Variants in SSPN observed in about 807,000 individuals in gnomAD.
The protein encoded by SSPN is K-ras oncogene-associated protein.
A neutral mutation model predicts 19.1 loss-of-function variants in SSPN; 15 were observed. The ratio of observed to expected loss-of-function variants is 0.78; its 90% confidence interval spans 0.52 to 1.21. The LOEUF (loss-of-function observed/expected upper bound fraction) is 1.21, where lower values mean the gene tolerates loss of function less well. SSPN is among the 50% of genes most tolerant of loss of function. The pLI is 0.00. For synonymous variants in SSPN, 147 were observed against 140.3 expected (o/e 1.05, Z -0.34); for missense variants, 291 against 314.0 (o/e 0.93, Z 0.55).
At chr12:26,218,463 A>C (rs1945083674) in intron 1 of SSPN, among the ~76,000 whole-genome samples, 2 of 149,196 alleles carry the variant, frequency 1.3e-5, no homozygotes, top group Admixed American at 1.3e-4. Flanking sequence ...CAATGTGCAC[A>C]TGTACCCTAA....
At chr12:26,225,335 T>C (rs1421474880) in intron 2 of SSPN, among the ~76,000 whole-genome samples, 1 of 152,158 alleles carries the variant, frequency 6.6e-6, no homozygotes, top group Admixed American at 6.5e-5. Context: ...ATGATATCTT[T>C]TAAAATCATG....
At chr12:26,197,807 T>C (rs1434860712) in intron 1 of SSPN, among the ~76,000 whole-genome samples, 2 of 152,206 alleles carry the variant, frequency 1.3e-5, no homozygotes, top group African/African-American at 4.8e-5. Flanking sequence ...TGAAGTTTGC[T>C]CTCAGTACAT....
At chr12:26,145,001 G>A (rs1219525646) in intron 1 of SSPN, among the ~76,000 whole-genome samples, 1 of 152,176 alleles carries the variant, frequency 6.6e-6, no homozygotes, top group Non-Finnish European at 1.5e-5. Flanking sequence ...AGATAGCATT[G>A]TTATATTACG....
intron 1 of SSPN, among the ~76,000 whole-genome samples, chr12:26,170,973 A>G (rs969060597): frequency 1.3e-5 from 2 of 152,224 alleles, no homozygotes; most frequent in Admixed American, 1.3e-4. Flanking sequence ...TTTAATCCTC[A>G]TTTTATGAAT....
chr12:26,194,230 T>C (rs900388795), upstream of SSPN, among the ~76,000 whole-genome samples: 16 of 152,236 alleles, frequency 1.1e-4, no homozygotes, highest in African/African-American at 3.9e-4. Context: ...ATCAGTTTTA[T>C]TGATTTCTTC....
chr12:26,132,751 C>G (rs1267857777), intron 1 of SSPN, among the ~76,000 whole-genome samples: 1 of 152,230 alleles, frequency 6.6e-6, no homozygotes, highest in Non-Finnish European at 1.5e-5. Flanking sequence ...GGGATTCTCC[C>G]ACCTCCCTTG....
intron 1 of SSPN, among the ~76,000 whole-genome samples, chr12:26,203,464 G>A (rs1944904070): frequency 6.6e-6 from 1 of 152,108 alleles, no homozygotes; most frequent in Non-Finnish European, 1.5e-5. Context: ...ATAGATGCTA[G>A]GAACAGGCTT....
chr12:26,216,238 G>A (rs926798169), intron 1 of SSPN, among the ~76,000 whole-genome samples: 5 of 152,180 alleles, frequency 3.3e-5, no homozygotes, highest in African/African-American at 1.2e-4. Flanking sequence ...TGGGCTTACA[G>A]CTTAGCCTAG....
In SSPN at chr12:26,188,522, A is replaced by T. The variant is rs538872515; in HGVS notation, c.-30-35771A>T. Among the ~76,000 whole-genome samples, 334 of 152,336 alleles carry T rather than the reference A, an allele frequency of 2.2e-3. 3 individuals are homozygous for T. Among genetic ancestry groups the T allele is most frequent in the African/African-American group, 7.9e-3 (327 of 41,588 alleles). ...TGTATGACACAGGGTGTTTAATGTT[A>T]TTACTTAGAAAACCTAATTATAATT... On this transcript the variant is annotated intron_variant, in intron 1 of 2. Coordinates refer to the SSPN transcript ENST00000538142.
chr12:26,179,922 T>C, intron 1 of SSPN: 1 of 8,382 alleles, frequency 1.2e-4, no homozygotes, highest in Non-Finnish European at 3.8e-4. Context: ...AGCTAGGCTT[T>C]TTTTTTTTTT....
intron 1 of SSPN, among the ~76,000 whole-genome samples, chr12:26,176,071 G>C (rs372755643): frequency 1.3e-5 from 2 of 152,060 alleles, no homozygotes; most frequent in Non-Finnish European, 2.9e-5. Flanking sequence ...CCTTGACCTC[G>C]AGCAATCTGC....
chr12:26,188,232 G>A (rs562669244), intron 1 of SSPN, among the ~76,000 whole-genome samples: 2 of 152,308 alleles, frequency 1.3e-5, no homozygotes, highest in Admixed American at 1.3e-4. Context: ...CTCAGCATCT[G>A]TACTCATAAC....
rs1415226951 is a variant in SSPN, at chr12:26,231,827, C to G, written c.*751C>G. On this transcript the variant is annotated 3_prime_UTR_variant, in exon 3 of 3. Transcript: ENST00000242729. Reference sequence around the variant, plus strand: ...AAAATAATTACATTATGCTTCTATTCTATCATCTAAAACAAATCATTAAAA... The same window carrying G: ...AAAATAATTACATTATGCTTCTATTGTATCATCTAAAACAAATCATTAAAA... 2 of 552,876 alleles carry G rather than the reference C, an allele frequency of 3.6e-6. No homozygotes were observed. The highest frequency in any genetic ancestry group is 4.6e-6 in the Non-Finnish European group (2 of 434,944). 34.2% of individuals were successfully genotyped at this position (552,876 alleles called of 1,614,324 possible). A position where few individuals can be genotyped will look rare whatever the true frequency, so the allele number is the denominator to read the frequency against.
At chr12:26,226,843 C>T (rs555076172) in intron 2 of SSPN, among the ~76,000 whole-genome samples, 3 of 152,182 alleles carry the variant, frequency 2.0e-5, no homozygotes, top group Non-Finnish European at 4.4e-5. Context: ...CCTTCCCGTT[C>T]AGGCCACCGG....
At chr12:26,196,002 AAGTCGCATGGTCG>A in intron 1 of SSPN, 51 bp downstream of exon 1, 1 of 1,388,868 alleles carries the variant, frequency 7.2e-7, no homozygotes. Context: ...CAGGAATGCG[AAGTCGCATGGTCG>A]AGTTGAGACT....
chr12:26,181,406 G>T (rs1944718107), intron 1 of SSPN: 1 of 151,878 alleles, frequency 6.6e-6, no homozygotes, highest in African/African-American at 2.4e-5. Context: ...ATTGTTGAAG[G>T]GAGATTGGTC....
chr12:26,123,311 T>A, intron 1 of SSPN: 1 of 1,220,150 alleles, frequency 8.2e-7, no homozygotes. Flanking sequence ...AGTGATATAA[T>A]CCACCAGTTG....
At chr12:26,229,711 C>A (rs1225842760) in intron 2 of SSPN, among the ~76,000 whole-genome samples, 1 of 152,194 alleles carries the variant, frequency 6.6e-6, no homozygotes, top group Non-Finnish European at 1.5e-5. Context: ...AATTCTTGCA[C>A]TAAGAACTAT....
intron 1 of SSPN, among the ~76,000 whole-genome samples, chr12:26,170,141 C>G (rs1944645793): frequency 6.6e-6 from 1 of 152,172 alleles, no homozygotes; most frequent in South Asian, 2.1e-4. Context: ...TGCATTCCCC[C>G]AATTCTCAAC....
Sources: allele counts gnomAD v4.1 joint callset (sites outside exome capture counted in the v4.1 genomes callset), GRCh38; gene constraint gnomAD v4.1.1; transcripts MANE v1.5; gene names NCBI Gene and HGNC (gene_info 2026-07-23, HGNC 2026-07-21).